Variants in SNTG2 observed in about 807,000 individuals in gnomAD.
SNTG2 encodes the protein gamma-2-syntrophin.
In SNTG2, 74 loss-of-function variants were observed where a neutral mutation model predicts 70.9. The ratio of observed to expected loss-of-function variants is 1.04; its 90% CI spans 0.86 to 1.27. The LOEUF (loss-of-function observed/expected upper bound fraction) is 1.27. Ranked by LOEUF, SNTG2 falls within the 50% of genes most tolerant of loss-of-function variation. The pLI is 0.00. For synonymous variants in SNTG2, 278 were observed against 273.8 expected (o/e 1.02, Z -0.15); for missense variants, 717 against 690.7 (o/e 1.04, Z -0.43).
intron 16 of SNTG2, among the ~76,000 whole-genome samples, chr2:1,333,716 G>A (rs1247308576): frequency 2.6e-5 from 4 of 152,144 alleles, no homozygotes; most frequent in Non-Finnish European, 5.9e-5. Context: ...ATATGGGTCT[G>A]GGATAATTGG....
intron 8 of SNTG2, among the ~76,000 whole-genome samples, chr2:1,202,927 G>T (rs28489745): frequency 0.01 from 1,570 of 151,868 alleles, 19 homozygotes; most frequent in African/African-American, 0.035. Flanking sequence ...CCAAAAACTG[G>T]CAGAGATGGG....
chr2:954,623 C>A (rs181488384), intron 1 of SNTG2, among the ~76,000 whole-genome samples: 1 of 152,116 alleles, frequency 6.6e-6, no homozygotes, highest in African/African-American at 2.4e-5. Context: ...TTCAGGAAGC[C>A]GAGGTTATCC....
At chr2:965,464 C>A (rs2147950554) in intron 1 of SNTG2, among the ~76,000 whole-genome samples, 1 of 151,438 alleles carries the variant, frequency 6.6e-6, no homozygotes, top group Non-Finnish European at 1.5e-5. Flanking sequence ...TGGTTGCCTC[C>A]TCCTCCTTGA....
At chr2:1,022,750 A>G (rs929598138) in intron 1 of SNTG2, among the ~76,000 whole-genome samples, 3 of 152,202 alleles carry the variant, frequency 2.0e-5, no homozygotes, top group Non-Finnish European at 4.4e-5. Flanking sequence ...AAAATGGGTC[A>G]GTGCTAAATA....
intron 2 of SNTG2, among the ~76,000 whole-genome samples, chr2:1,093,386 A>G (rs1417231190): frequency 1.3e-5 from 2 of 152,208 alleles, no homozygotes; most frequent in African/African-American, 2.4e-5. Context: ...CTGGGGTCAT[A>G]AAATAATTAG....
intron 11 of SNTG2, among the ~76,000 whole-genome samples, chr2:1,241,694 A>G (rs1677063547): frequency 6.6e-6 from 1 of 152,208 alleles, no homozygotes; most frequent in Non-Finnish European, 1.5e-5. Context: ...AGAGAAATGT[A>G]AAAACCTGTA....
At position 1,315,339 on chromosome 2, in the gene SNTG2, A is replaced by G. The variant is rs1429411513; in HGVS notation, c.1378-926A>G. Among the ~76,000 whole-genome samples, 3 of 152,346 alleles carry G rather than the reference A, an allele frequency of 2.0e-5. No individual in the cohort carries two copies. In the East Asian group the frequency reaches 5.8e-4, roughly 29 times the overall value. ...GTGTGGGCGGGAAATAAACCCGTCA[A>G]TGGTCAGATGGGATAGAAATGTTCT... On this transcript the variant is annotated intron_variant, in intron 15 of 16. Coordinates refer to ENST00000308624, the MANE Select transcript of SNTG2 (RefSeq NM_018968.4).
At chr2:985,474 G>A (rs546632462) in intron 1 of SNTG2, among the ~76,000 whole-genome samples, 2 of 152,258 alleles carry the variant, frequency 1.3e-5, no homozygotes, top group African/African-American at 4.8e-5. Flanking sequence ...GCCCTGCTAG[G>A]AATAAGAGGG....
chr2:1,316,929 T>C (rs1681310462), intron 16 of SNTG2, among the ~76,000 whole-genome samples: 2 of 122,976 alleles, frequency 1.6e-5, no homozygotes, highest in Admixed American at 1.7e-4. Flanking sequence ...CAGGCCAGCA[T>C]TGGAGAAGGT....
At chr2:1,296,421 C>A (rs777229643) in intron 14 of SNTG2, among the ~76,000 whole-genome samples, 1 of 152,234 alleles carries the variant, frequency 6.6e-6, no homozygotes, top group Non-Finnish European at 1.5e-5. Context: ...GGTGCCCCTG[C>A]CCCAGCAGCA....
At chr2:1,248,333 G>T (rs1022307512) in intron 12 of SNTG2, among the ~76,000 whole-genome samples, 4 of 152,140 alleles carry the variant, frequency 2.6e-5, no homozygotes, top group African/African-American at 7.2e-5. Flanking sequence ...CACAACTTAC[G>T]TGGCCATGGA....
intron 15 of SNTG2, among the ~76,000 whole-genome samples, chr2:1,313,485 A>G (rs960426161): frequency 6.6e-6 from 1 of 152,238 alleles, no homozygotes; most frequent in African/African-American, 2.4e-5. Flanking sequence ...AGAATGTCCA[A>G]TTGCGCTTTG....
At chr2:1,142,009 A>G (rs1017487347) in intron 6 of SNTG2, among the ~76,000 whole-genome samples, 1 of 152,090 alleles carries the variant, frequency 6.6e-6, no homozygotes, top group Non-Finnish European at 1.5e-5. Context: ...TACGGAGGCT[A>G]ACAGGGAGAT....
chr2:1,158,437 C>T (rs1217390814), intron 6 of SNTG2: 1 of 152,216 alleles, frequency 6.6e-6, no homozygotes, highest in Non-Finnish European at 1.5e-5. Context: ...GCAGAGGAGA[C>T]TCCTGTGTGT....
At chr2:970,375 A>G (rs1372462514) in intron 1 of SNTG2, among the ~76,000 whole-genome samples, 2 of 149,332 alleles carry the variant, frequency 1.3e-5, no homozygotes, top group Non-Finnish European at 3.0e-5. Context: ...CCACTAACTC[A>G]TCATCTAGCA....
At chr2:958,273 A>T (rs542067091) in intron 1 of SNTG2, among the ~76,000 whole-genome samples, 1 of 152,210 alleles carries the variant, frequency 6.6e-6, no homozygotes, top group Non-Finnish European at 1.5e-5. Flanking sequence ...AGACAAAAGG[A>T]TAACAACAGG....
At chr2:977,683 G>C (rs1039588717) in intron 1 of SNTG2, among the ~76,000 whole-genome samples, 2 of 152,102 alleles carry the variant, frequency 1.3e-5, no homozygotes, top group African/African-American at 4.8e-5. Flanking sequence ...GCTACTCATT[G>C]CTTCTAGGAT....
intron 1 of SNTG2, among the ~76,000 whole-genome samples, chr2:992,287 CAAGT>C (rs1661525290): frequency 6.6e-6 from 1 of 151,626 alleles, no homozygotes; most frequent in Non-Finnish European, 1.5e-5. Context: ...GAAAAAAAGA[CAAGT>C]AAAAATATGA....
intron 4 of SNTG2, among the ~76,000 whole-genome samples, chr2:1,104,024 TTAAC>T (rs1219764534): frequency 1.3e-5 from 2 of 152,202 alleles, no homozygotes; most frequent in Non-Finnish European, 2.9e-5. Context: ...TCTATGACCT[TTAAC>T]TACCCTATGA....
Sources: gnomAD v4.1 joint callset for allele counts (sites outside exome capture counted in the v4.1 genomes callset) on GRCh38, gnomAD v4.1.1 for gene constraint, MANE v1.5 for transcripts, NCBI Gene and HGNC (gene_info 2026-07-23, HGNC 2026-07-21) for gene names.